ROBO2: variants seen among roughly 807,000 people sequenced by gnomAD.
ROBO2 encodes roundabout guidance receptor 2, also known as roundabout homolog 2.
ROBO2 carries 53 observed loss-of-function variants against 160.8 expected under a neutral mutation model. The observed-to-expected ratio is 0.33, with a 90% CI of 0.26 to 0.41. The LOEUF is 0.41. Ranked by LOEUF, ROBO2 falls within the 10% of genes least tolerant of loss-of-function variation. The pLI is 1.00. For synonymous variants in ROBO2, 664 were observed against 611.7 expected (o/e 1.09, Z -1.26); for missense variants, 1,577 against 1,722.4 (o/e 0.92, Z 1.49).
intron 2 of ROBO2, among the ~76,000 whole-genome samples, chr3:76,931,978 G>A (rs917911202): frequency 1.3e-5 from 2 of 152,158 alleles, no homozygotes; most frequent in African/African-American, 4.8e-5. Flanking sequence ...ACCGCACCCT[G>A]CCAAATATTT....
intron 2 of ROBO2, among the ~76,000 whole-genome samples, chr3:77,419,743 A>G (rs758638423): frequency 2.6e-5 from 4 of 152,172 alleles, no homozygotes; most frequent in African/African-American, 9.6e-5. Context: ...GTTAATATAA[A>G]CTGCCATTAT....
At chr3:77,192,354 C>G (rs1347852208) in intron 2 of ROBO2, among the ~76,000 whole-genome samples, 3 of 152,214 alleles carry the variant, frequency 2.0e-5, no homozygotes, top group African/African-American at 7.2e-5. Context: ...GTGGGTCATA[C>G]TACTACAAAT....
At chr3:77,273,183 T>C (rs9882239) in intron 2 of ROBO2, among the ~76,000 whole-genome samples, 67,694 of 151,742 alleles carry the variant, frequency 0.45, 15,407 homozygotes, top group Middle Eastern at 0.57. Context: ...CAATATTTAC[T>C]TTCCACGTAT....
At chr3:76,116,448 G>A (rs776654423) in intron 2 of ROBO2, among the ~76,000 whole-genome samples, 2 of 152,084 alleles carry the variant, frequency 1.3e-5, no homozygotes, top group African/African-American at 2.4e-5. Flanking sequence ...GAATATTAGC[G>A]AAGCACTTCA....
At chr3:77,558,652 T>C (rs1188277003) in intron 9 of ROBO2, among the ~76,000 whole-genome samples, 3 of 152,024 alleles carry the variant, frequency 2.0e-5, no homozygotes, top group African/African-American at 4.8e-5. Context: ...TAGTTTAGAT[T>C]TAAACCCATG....
chr3:76,046,629 C>T (rs2067461806), intron 2 of ROBO2, among the ~76,000 whole-genome samples: 1 of 151,928 alleles, frequency 6.6e-6, no homozygotes, highest in Non-Finnish European at 1.5e-5. Context: ...GCCTGGGTGA[C>T]AGAGCCAGAC....
intron 2 of ROBO2, chr3:76,435,451 G>T: frequency 1.3e-6 from 1 of 762,552 alleles, no homozygotes; most frequent in Non-Finnish European, 2.4e-6. Context: ...TGGGTTCTTT[G>T]CCCTCCCTTC....
intron 2 of ROBO2, among the ~76,000 whole-genome samples, chr3:77,377,028 C>A (rs1051190099): frequency 8.5e-5 from 13 of 152,146 alleles, no homozygotes; most frequent in Admixed American, 2.6e-4. Flanking sequence ...TTGTAAATCT[C>A]ATAAGTTTGG....
At position 76,163,185 on chromosome 3, in the gene ROBO2, C is replaced by G. The variant is rs542086298; in HGVS notation, c.109+225583C>G. Among the ~76,000 whole-genome samples, 3 of 152,008 alleles carry G rather than the reference C, an allele frequency of 2.0e-5. No individual in the cohort carries two copies. The South Asian group carries it at 6.2e-4, about 31-fold the overall frequency. ...TTGCCTAGGAAATCTAATATTGAAA[C>G]TATTAAAGAATATGGTGAGCAGGGC... On this transcript the variant is annotated intron_variant, in intron 2 of 26. Transcript: ENST00000487694.
intron 2 of ROBO2, among the ~76,000 whole-genome samples, chr3:76,707,136 T>C: frequency 6.6e-6 from 1 of 152,078 alleles, no homozygotes; most frequent in Non-Finnish European, 1.5e-5. Context: ...TTAACTCCAT[T>C]CAAGTGTATT....
At chr3:76,660,939 A>G (rs1443237674) in intron 2 of ROBO2, among the ~76,000 whole-genome samples, 1 of 152,144 alleles carries the variant, frequency 6.6e-6, no homozygotes, top group Non-Finnish European at 1.5e-5. Context: ...AAAAATGAGG[A>G]TGTATTTTTT....
At chr3:76,928,167 G>T (rs1211620337) in intron 2 of ROBO2, among the ~76,000 whole-genome samples, 1 of 152,084 alleles carries the variant, frequency 6.6e-6, no homozygotes, top group African/African-American at 2.4e-5. Flanking sequence ...AATGGAAAAA[G>T]ACTGGTCAGA....
At chr3:77,292,496 A>C (rs2061421090) in intron 2 of ROBO2, among the ~76,000 whole-genome samples, 1 of 151,020 alleles carries the variant, frequency 6.6e-6, no homozygotes, top group Non-Finnish European at 1.5e-5. Flanking sequence ...TAGAGCACTA[A>C]AGACATAAAG....
intron 2 of ROBO2, among the ~76,000 whole-genome samples, chr3:76,026,203 T>A (rs2107684765): frequency 6.6e-6 from 1 of 152,084 alleles, no homozygotes; most frequent in South Asian, 2.1e-4. Context: ...AACATTAATT[T>A]GTTTTATTGT....
At chr3:76,919,362 T>C (rs1168664368) in intron 2 of ROBO2, among the ~76,000 whole-genome samples, 1 of 152,214 alleles carries the variant, frequency 6.6e-6, no homozygotes, top group Non-Finnish European at 1.5e-5. Flanking sequence ...GAGATAAATT[T>C]CTGACAAATT....
chr3:76,591,046 T>C (rs2086385304), intron 2 of ROBO2, among the ~76,000 whole-genome samples: 1 of 152,120 alleles, frequency 6.6e-6, no homozygotes, highest in Non-Finnish European at 1.5e-5. Context: ...CACTCCTGTA[T>C]AGTTAAAAAA....
At chr3:76,958,242 C>A (rs1016780701) in intron 2 of ROBO2, among the ~76,000 whole-genome samples, 3 of 152,162 alleles carry the variant, frequency 2.0e-5, no homozygotes, top group Non-Finnish European at 4.4e-5. Flanking sequence ...TCAGAGGTGG[C>A]CTGAGGTTCT....
chr3:77,622,463 A>G, intron 23 of ROBO2, 31 bp downstream of exon 24: 1 of 1,581,550 alleles, frequency 6.3e-7, no homozygotes, highest in Non-Finnish European at 8.7e-7. Flanking sequence ...GGAAAAACTG[A>G]CCTATTGGTA....
chr3:77,277,103 G>A (rs1266306193), intron 2 of ROBO2, among the ~76,000 whole-genome samples: 1 of 151,932 alleles, frequency 6.6e-6, no homozygotes, highest in South Asian at 2.1e-4. Flanking sequence ...GAGAGAGAGA[G>A]AGAAATAAAA....
Sources: allele counts gnomAD v4.1 joint callset (sites outside exome capture counted in the v4.1 genomes callset), GRCh38; gene constraint gnomAD v4.1.1; transcripts MANE v1.5; gene names NCBI Gene and HGNC (gene_info 2026-07-23, HGNC 2026-07-21).